Variants in MAP3K5 observed in about 807,000 individuals in gnomAD.
The protein encoded by MAP3K5 is ASK-1.
Under a neutral mutation model 158.7 loss-of-function variants are expected in MAP3K5, and 56 were observed. That is an observed-to-expected ratio of 0.35 (90% CI 0.28 to 0.44). The LOEUF (loss-of-function observed/expected upper bound fraction) is 0.44. Ranked by LOEUF, MAP3K5 falls within the 20% of genes least tolerant of loss-of-function variation. The probability of loss-of-function intolerance (pLI) is 1.00; values close to 1 mark genes in which losing one functional copy is unlikely to be tolerated. For synonymous variants in MAP3K5, 579 were observed against 601.7 expected, an observed-to-expected ratio of 0.96 and a Z score of 0.55; for missense variants, 1,294 against 1,674.8, an observed-to-expected ratio of 0.77 and a Z score of 3.97.
chr6:136,610,382 G>C (rs184595752), intron 18 of MAP3K5, among the ~76,000 whole-genome samples: 123 of 152,112 alleles, frequency 8.1e-4, no homozygotes, highest in African/African-American at 2.9e-3. Flanking sequence ...CAGTGGTTGC[G>C]TTGCCTACTT....
chr6:136,700,004 G>C (rs184722566), intron 3 of MAP3K5, among the ~76,000 whole-genome samples: 5 of 152,176 alleles, frequency 3.3e-5, no homozygotes, highest in African/African-American at 9.6e-5. Flanking sequence ...TGAGGTGCGA[G>C]AATCACTTGT....
At chr6:136,687,777 G>A (rs1016174677) in intron 7 of MAP3K5, among the ~76,000 whole-genome samples, 1 of 152,200 alleles carries the variant, frequency 6.6e-6, no homozygotes, top group South Asian at 2.1e-4. Flanking sequence ...AACAACAGAT[G>A]CTGGAGAAGG....
intron 7 of MAP3K5, among the ~76,000 whole-genome samples, chr6:136,685,806 C>T (rs1780122324): frequency 6.6e-6 from 1 of 152,128 alleles, no homozygotes; most frequent in African/African-American, 2.4e-5. Flanking sequence ...TCAGTTGAAA[C>T]ATCCCTTTGG....
chr6:136,635,782 G>A (rs535575725), intron 14 of MAP3K5, among the ~76,000 whole-genome samples: 20 of 148,862 alleles, frequency 1.3e-4, no homozygotes, highest in African/African-American at 5.0e-4. Flanking sequence ...TGCTCTGGCT[G>A]AAGTGGGAGG....
chr6:136,604,812 G>A (rs1464941101), intron 19 of MAP3K5, among the ~76,000 whole-genome samples: 3 of 152,060 alleles, frequency 2.0e-5, no homozygotes, highest in African/African-American at 7.3e-5. Context: ...TTATGGTAGA[G>A]AAGTAAAGGA....
chr6:136,564,954 A>C (rs144002953), intron 26 of MAP3K5, among the ~76,000 whole-genome samples: 5 of 152,320 alleles, frequency 3.3e-5, no homozygotes, highest in Non-Finnish European at 7.3e-5. Context: ...TCTGTACGTC[A>C]CTTTACTTTT....
At chr6:136,737,395 G>A (rs1782523978) in intron 1 of MAP3K5, among the ~76,000 whole-genome samples, 1 of 151,910 alleles carries the variant, frequency 6.6e-6, no homozygotes, top group Non-Finnish European at 1.5e-5. Flanking sequence ...TAAAATAAAA[G>A]TTGAAAAAAA....
chr6:136,723,745 G>A lies in MAP3K5; in HGVS notation c.449-3156C>T, dbSNP rs577636826. 4.0e-4 allele frequency among the ~76,000 whole-genome samples: 61 copies of A among 152,304 alleles called. 1 individual carries two copies. Among genetic ancestry groups the A allele is most frequent in the African/African-American group, 1.4e-3 (60 of 41,560 alleles). ...AAATTAGCATTAAACTTTGGTGAAT[G>A]AGAAATCAATCAGATGAAATGGAGG... On this transcript the variant is annotated intron_variant, in intron 1 of 29. Coordinates refer to ENST00000359015, the MANE Select transcript of MAP3K5 (RefSeq NM_005923.4).
intron 1 of MAP3K5, among the ~76,000 whole-genome samples, chr6:136,770,862 G>C (rs993485848): frequency 3.9e-5 from 6 of 151,970 alleles, no homozygotes; most frequent in Non-Finnish European, 8.8e-5. Flanking sequence ...AATCTGTCAG[G>C]AATTCACACA....
intron 8 of MAP3K5, among the ~76,000 whole-genome samples, chr6:136,668,339 G>A (rs934781414): frequency 3.3e-5 from 5 of 152,126 alleles, no homozygotes; most frequent in South Asian, 2.1e-4. Context: ...AGCTATGATC[G>A]CACCACTGCA....
intron 1 of MAP3K5, among the ~76,000 whole-genome samples, chr6:136,781,383 TTG>T (rs2115039766): frequency 6.6e-6 from 1 of 152,326 alleles, no homozygotes; most frequent in East Asian, 1.9e-4. Context: ...GAATCAGAAG[TTG>T]TGTGACTACT....
At chr6:136,678,673 C>T (rs962134784) in intron 7 of MAP3K5, among the ~76,000 whole-genome samples, 1 of 151,930 alleles carries the variant, frequency 6.6e-6, no homozygotes, top group Non-Finnish European at 1.5e-5. Context: ...ATTTCCACTC[C>T]TGTTGATTTT....
rs57982866 is a variant in MAP3K5 at position 136,642,030 on chromosome 6, AAAAATAAAATAAAAT to A, written c.1838+475_1838+489del. On this transcript the variant is annotated intron_variant, in intron 12 of 29. Coordinates refer to ENST00000359015, the MANE Select transcript of MAP3K5 (RefSeq NM_005923.4). ...TAAAATAAAATAAATAAAATAAAAT[AAAAATAAAATAAAAT>A]AAAATAAAATAAAATAAAATAAAAT... 3.8e-3 allele frequency among the ~76,000 whole-genome samples: 450 copies of A among 119,276 alleles called. 5 individuals are homozygous for A. Among genetic ancestry groups the A allele is most frequent in the African/African-American group, 5.1e-3 (146 of 28,672 alleles). 78.2% of individuals were successfully genotyped at this position (119,276 alleles called of 152,430 possible).
intron 7 of MAP3K5, among the ~76,000 whole-genome samples, chr6:136,680,535 A>G (rs924016133): frequency 2.0e-5 from 3 of 152,184 alleles, no homozygotes; most frequent in Non-Finnish European, 1.5e-5. Context: ...ATAGTTTCCC[A>G]GTGACAGAAC....
intron 1 of MAP3K5, among the ~76,000 whole-genome samples, chr6:136,734,421 G>GAAAAAAA (rs1016817563): frequency 1.8e-5 from 1 of 56,736 alleles, no homozygotes; most frequent in African/African-American, 6.9e-5. Flanking sequence ...CTCTGTCTCG[G>GAAAAAAA]AAAAAAAAAA....
chr6:136,701,649 G>A (rs1780859861), intron 3 of MAP3K5, among the ~76,000 whole-genome samples: 1 of 152,150 alleles, frequency 6.6e-6, no homozygotes, highest in Non-Finnish European at 1.5e-5. Context: ...ATACCAAAGA[G>A]GCTGCTTTCC....
At position 136,592,506 on chromosome 6, in the gene MAP3K5, A is replaced by T; in HGVS notation, c.2987T>A (p.Phe996Tyr). The T allele has an allele frequency of 6.2e-7, 1 of 1,613,912 alleles. No individual in the cohort carries two copies. Among genetic ancestry groups the T allele is most frequent in the Non-Finnish European group, 8.5e-7 (1 of 1,179,976 alleles). Residue 996 changes from phenylalanine to tyrosine, a missense_variant, in exon 22 of 30, where the codon TTC becomes TAC. Coordinates refer to ENST00000359015, the MANE Select transcript of MAP3K5 (RefSeq NM_005923.4). ...SPDTELKVDP[F>Y]SFKTRAKSCG... ...GGACTTGGCTCTTGTTTTGAAAGAG[A>T]AGGGGTCCACTTTCAACTCCGTGTC...
chr6:136,753,495 G>GT (rs750899666), intron 1 of MAP3K5, among the ~76,000 whole-genome samples: 339 of 149,184 alleles, frequency 2.3e-3, no homozygotes, highest in Non-Finnish European at 3.0e-3. Context: ...ACCACAGATA[G>GT]TATTTTTTTT....
chr6:136,621,719 T>C, intron 15 of MAP3K5, among the ~76,000 whole-genome samples: 1 of 152,156 alleles, frequency 6.6e-6, no homozygotes, highest in East Asian at 1.9e-4. Context: ...TTCCCCTAGT[T>C]TGGTTAGGCT....
Sources: allele counts gnomAD v4.1 joint callset (sites outside exome capture counted in the v4.1 genomes callset), GRCh38; gene constraint gnomAD v4.1.1; transcripts MANE v1.5; gene names NCBI Gene and HGNC (gene_info 2026-07-23, HGNC 2026-07-21).